Variants in KLHL22 observed in about 807,000 individuals in gnomAD.
The protein encoded by KLHL22 is kelch like family member 22, also known as kelch-like protein 22.
A neutral mutation model predicts 60.7 loss-of-function variants in KLHL22; 18 were observed. The ratio of observed to expected loss-of-function variants is 0.30; its 90% CI spans 0.20 to 0.44. The LOEUF is 0.44. Ranked by LOEUF, KLHL22 falls within the 20% of genes least tolerant of loss-of-function variation. The probability of loss-of-function intolerance (pLI) is 1.00; values close to 1 mark genes in which losing one functional copy is unlikely to be tolerated. For missense variants in KLHL22, 596 were observed against 852.3 expected (o/e 0.70, Z 3.74); for synonymous variants, 355 against 354.5 (o/e 1.00, Z -0.01).
Position 20,490,429 on chromosome 22 carries a change from C to G in KLHL22, c.-33-1185G>C, listed in dbSNP as rs1045133668. Among the ~76,000 whole-genome samples the G allele has an allele frequency of 1.2e-4, 18 of 152,242 alleles. No individual in the cohort carries two copies. The East Asian group carries it at 2.9e-3, about 25-fold the overall frequency. ...ACTTGTACAGCATGTTACTGTAGTT[C>G]TGAATGAAAAAAACACACTGTTTTT... On this transcript the variant is annotated intron_variant, in intron 1 of 6. Transcript: ENST00000328879.
At chr22:20,488,461 T>A (rs2053622742) in intron 2 of KLHL22, 1 of 165,500 alleles carries the variant, frequency 6.0e-6, no homozygotes, top group Admixed American at 5.5e-5. Flanking sequence ...GTGCTAGGGA[T>A]AAGAGACAGA....
rs1409615807 is a variant in KLHL22 at position 20,488,990 on chromosome 22, G to A, written c.222C>T (p.Tyr74=). Residue 74 remains tyrosine, a synonymous_variant, in exon 2 of 7, where the codon TAC becomes TAT. Transcript: ENST00000328879. ...AACAGCTCTAGTGAACTCACCTGAA[G>A]TAATCGCAGGACGCAGCCAGCAGGA... The part of the protein sequence containing the change: ...HRILLAASCD[Y]FRGMFAGGLK... 1 of 1,613,668 alleles carries A rather than the reference G, an allele frequency of 6.2e-7. No individual in the cohort carries two copies.
intron 5 of KLHL22, among the ~76,000 whole-genome samples, chr22:20,456,708 C>T (rs1173892840): frequency 6.6e-6 from 1 of 152,268 alleles, no homozygotes; most frequent in Non-Finnish European, 1.5e-5. Context: ...CAGCTTGCAG[C>T]TCACAGCTGC....
intron 2 of KLHL22, among the ~76,000 whole-genome samples, chr22:20,482,387 C>G (rs987175083): frequency 1.3e-4 from 19 of 151,892 alleles, no homozygotes; most frequent in African/African-American, 4.6e-4. Context: ...TAGCATGAAA[C>G]CAATTTTTTT....
chr22:20,477,720 A>G lies in KLHL22; in HGVS notation c.228-6205T>C, dbSNP rs115834162. Among the ~76,000 whole-genome samples, 1,236 of 152,360 alleles carry G rather than the reference A, an allele frequency of 8.1e-3. 13 individuals carry two copies. Among genetic ancestry groups the G allele is most frequent in the African/African-American group, 0.028 (1,183 of 41,586 alleles). ...AAAATCTGAACGTGGACTCAATGTCAGATGAAATTATAGAATGATTACACA... is the reference window on the plus strand; with the variant it reads ...AAAATCTGAACGTGGACTCAATGTCGGATGAAATTATAGAATGATTACACA... On this transcript the variant is annotated intron_variant, in intron 2 of 6. Transcript: ENST00000328879.
At chr22:20,453,804 G>T (rs973369845) in intron 5 of KLHL22, among the ~76,000 whole-genome samples, 1 of 151,884 alleles carries the variant, frequency 6.6e-6, no homozygotes, top group Admixed American at 6.6e-5. Flanking sequence ...GCGCAATCTC[G>T]GCTCATTGCA....
intron 2 of KLHL22, among the ~76,000 whole-genome samples, chr22:20,476,567 C>T (rs1246724097): frequency 1.3e-5 from 2 of 151,062 alleles, no homozygotes; most frequent in Non-Finnish European, 2.9e-5. Context: ...GTGCCCGCCA[C>T]GTCGCCCGGC....
At chr22:20,458,741 T>A (rs1447988967) in intron 4 of KLHL22, among the ~76,000 whole-genome samples, 1 of 151,920 alleles carries the variant, frequency 6.6e-6, no homozygotes, top group Admixed American at 6.6e-5. Context: ...CATCATACCC[T>A]CAGCTTTGTC....
intron 2 of KLHL22, chr22:20,482,832 T>C (rs2053526606): frequency 1.6e-6 from 2 of 1,269,024 alleles, no homozygotes; most frequent in East Asian, 2.3e-5. Context: ...CTCAGAACTT[T>C]GGTGTCATTG....
intron 6 of KLHL22, among the ~76,000 whole-genome samples, chr22:20,442,959 T>C (rs547374074): frequency 7.9e-5 from 12 of 152,344 alleles, no homozygotes; most frequent in African/African-American, 2.9e-4. Flanking sequence ...TCAACATCAA[T>C]ATTCTCTTGT....
intron 5 of KLHL22, among the ~76,000 whole-genome samples, chr22:20,448,291 TC>T (rs766015637): frequency 6.3e-4 from 96 of 152,322 alleles, no homozygotes; most frequent in Middle Eastern, 3.4e-3. Flanking sequence ...GAAATGCATT[TC>T]AGACTTTTGG....
chr22:20,485,212 C>G (rs1435652976), intron 2 of KLHL22, among the ~76,000 whole-genome samples: 1 of 152,126 alleles, frequency 6.6e-6, no homozygotes, highest in East Asian at 1.9e-4. Flanking sequence ...AAGGACAGAG[C>G]CTTTGGGCTC....
chr22:20,464,248 T>G (rs1050772808), intron 4 of KLHL22, among the ~76,000 whole-genome samples: 2 of 152,202 alleles, frequency 1.3e-5, no homozygotes, highest in Non-Finnish European at 2.9e-5. Context: ...CAGGGGAAAT[T>G]GTGCCAAGTG....
chr22:20,473,591 T>C (rs1489090879), intron 2 of KLHL22, among the ~76,000 whole-genome samples: 1 of 152,176 alleles, frequency 6.6e-6, no homozygotes, highest in Non-Finnish European at 1.5e-5. Flanking sequence ...ACAGTATAGG[T>C]TAGGCCGGGC....
Position 20,495,662 on chromosome 22 carries a change from G to C in KLHL22, c.-34+98C>G, listed in dbSNP as rs1270094139. The C allele has an allele frequency of 6.6e-6, 1 of 151,120 alleles. No homozygotes were observed. The highest frequency in any genetic ancestry group is 1.5e-5 in the Non-Finnish European group (1 of 67,390). 9.4% of individuals were successfully genotyped at this position (151,120 alleles called of 1,614,324 possible). The stretch of plus-strand genomic sequence containing the variant: ...CCCGCCCCCGCGCCCCTCGGACTCC[G>C]CGCCGCTAGCTTGTCCCCGGCCCAG... On this transcript the variant is annotated intron_variant, in intron 1 of 6. Coordinates refer to ENST00000328879, the MANE Select transcript of KLHL22 (RefSeq NM_032775.4). This position sits in a 1 kb window ranked among gnomAD's most constrained non-coding sequence, Gnocchi z 4.6.
intron 1 of KLHL22, among the ~76,000 whole-genome samples, chr22:20,492,867 C>T (rs1008249464): frequency 3.3e-5 from 5 of 152,240 alleles, no homozygotes; most frequent in African/African-American, 9.6e-5. Context: ...GCTGGGATTA[C>T]AGGCATGAGC....
At chr22:20,452,194 G>T (rs1485176048) in intron 5 of KLHL22, among the ~76,000 whole-genome samples, 1 of 151,510 alleles carries the variant, frequency 6.6e-6, no homozygotes, top group East Asian at 1.9e-4. Flanking sequence ...CCTACTAGAT[G>T]TGAGCAATAT....
At chr22:20,486,991 C>T (rs1192554094) in intron 2 of KLHL22, among the ~76,000 whole-genome samples, 3 of 151,906 alleles carry the variant, frequency 2.0e-5, no homozygotes, top group African/African-American at 7.3e-5. Flanking sequence ...TCTTTCTAGG[C>T]TCACTGCAAC....
intron 2 of KLHL22, among the ~76,000 whole-genome samples, chr22:20,478,760 C>T (rs1176657227): frequency 2.7e-5 from 4 of 148,668 alleles, no homozygotes; most frequent in East Asian, 2.0e-4. Context: ...GTGATCCTCC[C>T]GCCTCGGCCT....
Sources: gnomAD v4.1 joint callset for allele counts (sites outside exome capture counted in the v4.1 genomes callset) on GRCh38, gnomAD v4.1.1 for gene constraint, Gnocchi (gnomAD v3.1) non-coding constraint, MANE v1.5 for transcripts, NCBI Gene and HGNC (gene_info 2026-07-23, HGNC 2026-07-21) for gene names.